THSD7B: variants seen among roughly 807,000 people sequenced by gnomAD.
THSD7B encodes the protein thrombospondin type-1 domain-containing protein 7B.
THSD7B carries 138 observed loss-of-function variants against 213.6 expected under a neutral mutation model. That is an observed-to-expected ratio of 0.65 (90% CI 0.56 to 0.74). The LOEUF (loss-of-function observed/expected upper bound fraction) is 0.74, where lower values mean the gene tolerates loss of function less well. Among genes scored for constraint, THSD7B ranks in the 30% least tolerant of loss-of-function variants. The probability of loss-of-function intolerance (pLI) is 0.00; values close to 1 mark genes in which losing one functional copy is unlikely to be tolerated. For missense variants in THSD7B, 1,931 were observed against 1,991.5 expected (o/e 0.97, Z 0.58); for synonymous variants, 742 against 687.0 (o/e 1.08, Z -1.25).
intron 3 of THSD7B, among the ~76,000 whole-genome samples, chr2:137,072,841 T>A (rs995467902): frequency 4.6e-5 from 7 of 152,194 alleles, no homozygotes; most frequent in Non-Finnish European, 7.3e-5. Context: ...CAAAGGCCTT[T>A]TCTGCATCTA....
chr2:137,102,744 C>A (rs1037818221), intron 4 of THSD7B, among the ~76,000 whole-genome samples: 4 of 152,072 alleles, frequency 2.6e-5, no homozygotes, highest in Admixed American at 2.6e-4. Context: ...GAAGCATACA[C>A]AAGTATCAAT....
intron 2 of THSD7B, among the ~76,000 whole-genome samples, chr2:136,968,797 CTT>C (rs1558870988): frequency 6.6e-6 from 1 of 152,028 alleles, no homozygotes; most frequent in Non-Finnish European, 1.5e-5. Flanking sequence ...AGCCTTTAAA[CTT>C]TTTTGGTTTT....
intron 2 of THSD7B, among the ~76,000 whole-genome samples, chr2:137,054,384 G>T (rs1687122021): frequency 6.6e-6 from 1 of 152,188 alleles, no homozygotes; most frequent in Non-Finnish European, 1.5e-5. Flanking sequence ...TGCCAAGAAT[G>T]CCAGGTGTAT....
chr2:137,360,298 C>T (rs572671772), intron 12 of THSD7B, among the ~76,000 whole-genome samples: 15 of 152,180 alleles, frequency 9.9e-5, no homozygotes, highest in South Asian at 4.1e-4. Context: ...TCAGTGTGAT[C>T]GACGCAGAAG....
intron 15 of THSD7B, among the ~76,000 whole-genome samples, chr2:137,496,541 T>C (rs1270586475): frequency 6.6e-6 from 1 of 152,228 alleles, no homozygotes; most frequent in Non-Finnish European, 1.5e-5. Flanking sequence ...ATTTCTCTCA[T>C]ACAGCAAGCT....
intron 2 of THSD7B, among the ~76,000 whole-genome samples, chr2:137,006,399 AATACATACATACATACATAC>A (rs60604756): frequency 8.0e-5 from 12 of 149,350 alleles, no homozygotes; most frequent in South Asian, 2.2e-4. Flanking sequence ...CGTCTCAAGA[AATACATACATACATACATAC>A]ATACATACAT....
Position 137,124,943 on chromosome 2 carries a change from A to G in THSD7B, c.1369+9650A>G, listed in dbSNP as rs569973329. Among the ~76,000 whole-genome samples, 8 of 152,314 alleles carry G rather than the reference A, an allele frequency of 5.3e-5. No individual in the cohort carries two copies. The East Asian group carries it at 1.3e-3, about 26-fold the overall frequency. ...ACTGTAGTCACCATGAAGCACAAAA[A>G]AAATCTTTTGAACTTGTTTCTTCTA... is the stretch of plus-strand genomic sequence containing the variant. On this transcript the variant is annotated intron_variant, in intron 5 of 27. Coordinates refer to ENST00000409968, the MANE Select transcript of THSD7B (RefSeq NM_001316349.2).
At chr2:136,899,462 A>G (rs1005441313) in intron 2 of THSD7B, among the ~76,000 whole-genome samples, 6 of 152,216 alleles carry the variant, frequency 3.9e-5, no homozygotes, top group Admixed American at 1.3e-4. Context: ...AGGCAAGCCA[A>G]TTGGACAATA....
intron 2 of THSD7B, among the ~76,000 whole-genome samples, chr2:137,038,579 T>C (rs945026368): frequency 3.1e-4 from 47 of 152,194 alleles, no homozygotes; most frequent in African/African-American, 1.1e-3. Flanking sequence ...GGAAGTTGGA[T>C]CATTTCTAAG....
At chr2:137,373,330 C>G (rs1685574898) in intron 12 of THSD7B, among the ~76,000 whole-genome samples, 1 of 152,154 alleles carries the variant, frequency 6.6e-6, no homozygotes, top group South Asian at 2.1e-4. Flanking sequence ...TACAAGTGTT[C>G]CTATTTCTCC....
chr2:137,662,242 C>CTTTTTTTTTTT (rs57630973), intron 25 of THSD7B, among the ~76,000 whole-genome samples: 2 of 92,418 alleles, frequency 2.2e-5, no homozygotes, highest in Non-Finnish European at 4.3e-5. Flanking sequence ...TTTTTTTTTT[C>CTTTTTTTTTTT]TTTTTTTTTT....
At chr2:137,447,020 G>A (rs1428845309) in intron 14 of THSD7B, among the ~76,000 whole-genome samples, 2 of 152,052 alleles carry the variant, frequency 1.3e-5, no homozygotes. Flanking sequence ...ATAAGAATAT[G>A]CAAGTATTAA....
intron 3 of THSD7B, among the ~76,000 whole-genome samples, chr2:137,077,174 C>T (rs1573807824): frequency 6.6e-6 from 1 of 152,060 alleles, no homozygotes; most frequent in African/African-American, 2.4e-5. Context: ...TTTATGGCTG[C>T]ATAGTATTCC....
intron 1 of THSD7B, among the ~76,000 whole-genome samples, chr2:136,786,911 A>G (rs567205773): frequency 3.9e-4 from 59 of 152,234 alleles, no homozygotes; most frequent in Non-Finnish European, 7.6e-4. Flanking sequence ...AGGGATGGAG[A>G]TTGGCATAGT....
At chr2:137,482,836 G>A (rs2105108010) in intron 15 of THSD7B, among the ~76,000 whole-genome samples, 1 of 152,306 alleles carries the variant, frequency 6.6e-6, no homozygotes, top group South Asian at 2.1e-4. Flanking sequence ...ACAGACACGG[G>A]TGAGAGGAAA....
At chr2:137,593,294 A>G (rs1356411843) in intron 17 of THSD7B, among the ~76,000 whole-genome samples, 1 of 151,918 alleles carries the variant, frequency 6.6e-6, no homozygotes, top group Admixed American at 6.6e-5. Context: ...TTAGGAGTAG[A>G]ATAGCTAAGT....
chr2:136,813,172 T>C (rs1483430158), intron 1 of THSD7B, among the ~76,000 whole-genome samples: 1 of 152,374 alleles, frequency 6.6e-6, no homozygotes, highest in East Asian at 1.9e-4. Context: ...TGCTTCTTTT[T>C]GATGAATATG....
At chr2:137,439,681 T>C (rs1382080205) in intron 14 of THSD7B, among the ~76,000 whole-genome samples, 4 of 152,162 alleles carry the variant, frequency 2.6e-5, no homozygotes, top group African/African-American at 7.2e-5. Flanking sequence ...GATTTTATGG[T>C]AACTTGCAAG....
intron 2 of THSD7B, among the ~76,000 whole-genome samples, chr2:137,042,585 C>T (rs1686903059): frequency 6.6e-6 from 1 of 152,110 alleles, no homozygotes; most frequent in South Asian, 2.1e-4. Context: ...CAAGGATCCT[C>T]CTTTCTTACT....
Sources: gnomAD v4.1 joint callset for allele counts (sites outside exome capture counted in the v4.1 genomes callset) on GRCh38, gnomAD v4.1.1 for gene constraint, MANE v1.5 for transcripts, NCBI Gene and HGNC (gene_info 2026-07-23, HGNC 2026-07-21) for gene names.